The following DYM variants were observed in gnomAD, a reference collection of about 807,000 sequenced individuals.
DYM encodes the protein dyggve-Melchior-Clausen syndrome protein.
A neutral mutation model predicts 93.1 loss-of-function variants in DYM; 78 were observed. The ratio of observed to expected loss-of-function variants is 0.84; its 90% CI spans 0.70 to 1.01. The LOEUF (loss-of-function observed/expected upper bound fraction) is 1.01, where lower values mean the gene tolerates loss of function less well. Among genes scored for constraint, DYM ranks in the 50% least tolerant of loss-of-function variants. DYM has a pLI of 0.00. For missense variants in DYM, 789 were observed against 845.0 expected, an observed-to-expected ratio of 0.93 and a Z score of 0.82; for synonymous variants, 321 against 319.7, an observed-to-expected ratio of 1.00 and a Z score of -0.04.
rs2086699551 is a variant in DYM, at chr18:49,158,561, C to A, written c.1728+5124G>T. ...TTATATAAGTGTTAAATTACCTACCCCAGCCTTTAAATCTTCCAGAAAAAT... is the reference window on the plus strand; with the variant it reads ...TTATATAAGTGTTAAATTACCTACCACAGCCTTTAAATCTTCCAGAAAAAT... On this transcript the variant is annotated intron_variant, in intron 15 of 17. Transcript: ENST00000675505. Among the ~76,000 whole-genome samples the A allele has an allele frequency of 2.6e-5, 4 of 152,118 alleles. No individual in the cohort carries two copies. The South Asian group carries it at 8.3e-4, about 32-fold the overall frequency.
intron 1 of DYM, among the ~76,000 whole-genome samples, chr18:49,457,771 G>A (rs2083122133): frequency 6.6e-6 from 1 of 152,300 alleles, no homozygotes; most frequent in South Asian, 2.1e-4. Context: ...ACCTCGAGGG[G>A]GGATTTATCC....
chr18:49,271,335 A>G (rs188053199), intron 11 of DYM, among the ~76,000 whole-genome samples: 1 of 152,254 alleles, frequency 6.6e-6, no homozygotes, highest in African/African-American at 2.4e-5. Flanking sequence ...AAAAATAATA[A>G]TGTAAAAGCT....
intron 14 of DYM, among the ~76,000 whole-genome samples, chr18:49,201,399 A>G (rs2091978871): frequency 6.6e-6 from 1 of 151,798 alleles, no homozygotes; most frequent in South Asian, 2.1e-4. Context: ...GTGTTGGTCT[A>G]TTACCTAAAT....
intron 15 of DYM, among the ~76,000 whole-genome samples, chr18:49,156,456 G>T (rs1384573595): frequency 6.6e-6 from 1 of 152,018 alleles, no homozygotes; most frequent in Non-Finnish European, 1.5e-5. Flanking sequence ...AAATGGCCAG[G>T]CGTGGTGGCT....
At chr18:49,363,080 C>T (rs1159052782) in intron 6 of DYM, 81 bp downstream of exon 6, 15 of 1,144,904 alleles carry the variant, frequency 1.3e-5, no homozygotes, top group Non-Finnish European at 1.6e-5. Flanking sequence ...ATACAAGGAC[C>T]CACAAACTTC....
At chr18:49,097,572 A>T in intron 16 of DYM, 57 bp from the exon 17 acceptor site, 1 of 1,440,606 alleles carries the variant, frequency 6.9e-7, no homozygotes, top group Non-Finnish European at 9.7e-7. Flanking sequence ...TATTTTTAGT[A>T]GCCGCCTTTC....
intron 16 of DYM, among the ~76,000 whole-genome samples, chr18:49,107,322 G>T (rs1220052879): frequency 6.6e-6 from 1 of 151,970 alleles, no homozygotes; most frequent in African/African-American, 2.4e-5. Flanking sequence ...TTTTTTTCAC[G>T]ATTTTTAACT....
At chr18:49,179,366 A>G (rs1247568287) in intron 14 of DYM, among the ~76,000 whole-genome samples, 2 of 152,082 alleles carry the variant, frequency 1.3e-5, no homozygotes, top group Admixed American at 6.6e-5. Context: ...CTCCATTTCT[A>G]ATTTGTTTGA....
At chr18:49,337,966 G>A (rs1179276264) in intron 6 of DYM, among the ~76,000 whole-genome samples, 2 of 152,148 alleles carry the variant, frequency 1.3e-5, no homozygotes, top group African/African-American at 4.8e-5. Flanking sequence ...TTAAAAGAAG[G>A]TGGGGGAAAG....
intron 8 of DYM, among the ~76,000 whole-genome samples, chr18:49,289,760 T>TACAC (rs1568181206): frequency 1.7e-3 from 64 of 37,548 alleles, no homozygotes; most frequent in South Asian, 4.4e-3. Context: ...TATATATATA[T>TACAC]ATATATATAT....
intron 15 of DYM, among the ~76,000 whole-genome samples, chr18:49,129,119 TAAAAAAAAAAA>T (rs79190958): frequency 7.5e-6 from 1 of 132,994 alleles, no homozygotes; most frequent in Admixed American, 7.6e-5. Context: ...AAGCTCAAGT[TAAAAAAAAAAA>T]AAAAGAAAAA....
chr18:49,122,386 C>T (rs1297414535), intron 15 of DYM, among the ~76,000 whole-genome samples: 2 of 151,996 alleles, frequency 1.3e-5, no homozygotes, highest in Non-Finnish European at 2.9e-5. Context: ...CAGAGAAATA[C>T]ACTGTTACTA....
At chr18:49,381,869 G>A (rs557868532) in intron 3 of DYM, among the ~76,000 whole-genome samples, 1 of 151,398 alleles carries the variant, frequency 6.6e-6, no homozygotes, top group East Asian at 1.9e-4. Context: ...AAAGCTTTAG[G>A]GTTAATGAAA....
At chr18:49,364,152 A>T (rs1016471810) in intron 5 of DYM, among the ~76,000 whole-genome samples, 3 of 151,858 alleles carry the variant, frequency 2.0e-5, no homozygotes, top group Admixed American at 2.0e-4. Context: ...CTAAATTAAA[A>T]CTCACTCCTG....
chr18:49,413,529 T>G (rs759907190), intron 2 of DYM, among the ~76,000 whole-genome samples: 8 of 152,084 alleles, frequency 5.3e-5, no homozygotes, highest in Non-Finnish European at 1.2e-4. Flanking sequence ...GTAAGAAAAA[T>G]CCCTGAAAGA....
chr18:49,380,364 G>A lies in DYM; in HGVS notation c.194-606C>T, dbSNP rs138927638. Among the ~76,000 whole-genome samples, 218 of 152,222 alleles carry A rather than the reference G, an allele frequency of 1.4e-3. 2 individuals are homozygous for A. Among genetic ancestry groups the A allele is most frequent in the East Asian group, 2.5e-3 (13 of 5,180 alleles). Reference sequence around the variant, plus strand: ...CCAGGTCTATAATTAACTGAATACTGAATCTCAGACAAATCACTGTACTTC... The same window carrying A: ...CCAGGTCTATAATTAACTGAATACTAAATCTCAGACAAATCACTGTACTTC... On this transcript the variant is annotated intron_variant, in intron 3 of 17. Coordinates refer to ENST00000675505, the MANE Select transcript of DYM (RefSeq NM_001353214.3).
At chr18:49,250,656 G>C (rs1335113833) in intron 13 of DYM, among the ~76,000 whole-genome samples, 1 of 152,198 alleles carries the variant, frequency 6.6e-6, no homozygotes, top group Non-Finnish European at 1.5e-5. Flanking sequence ...TCAGCAAGTT[G>C]AAGAAGCCAC....
chr18:49,116,929 T>C lies in DYM; in HGVS notation c.1911+1815A>G, dbSNP rs1334004849. ...TCTTATTAACACCAATACTTCTTAA[T>C]TAAAACTCAGAGTTAACAAGAAGGA... On this transcript the variant is annotated intron_variant, in intron 16 of 17. Coordinates refer to ENST00000675505, the MANE Select transcript of DYM (RefSeq NM_001353214.3). Among the ~76,000 whole-genome samples the C allele has an allele frequency of 2.6e-5, 4 of 152,360 alleles. No individual in the cohort carries two copies. The East Asian group carries it at 7.7e-4, about 29-fold the overall frequency.
chr18:49,244,987 T>G (rs1421045191), intron 13 of DYM, among the ~76,000 whole-genome samples: 1 of 152,206 alleles, frequency 6.6e-6, no homozygotes, highest in Non-Finnish European at 1.5e-5. Flanking sequence ...GAACATAAAT[T>G]GTGAAGATTT....
Sources: gnomAD v4.1 joint callset for allele counts (sites outside exome capture counted in the v4.1 genomes callset) on GRCh38, gnomAD v4.1.1 for gene constraint, MANE v1.5 for transcripts, NCBI Gene and HGNC (gene_info 2026-07-23, HGNC 2026-07-21) for gene names.